The following ABR variants were observed in gnomAD, a reference collection of about 807,000 sequenced individuals.
ABR encodes active breakpoint cluster region-related protein.
Under a neutral mutation model 107.2 loss-of-function variants are expected in ABR, and 35 were observed. The observed-to-expected ratio is 0.33, with a 90% CI of 0.25 to 0.43. The LOEUF is 0.43. Ranked by LOEUF, ABR falls within the 20% of genes least tolerant of loss-of-function variation. The pLI, the probability that ABR is intolerant of heterozygous loss-of-function variation, is 1.00. For synonymous variants in ABR, 498 were observed against 462.0 expected (o/e 1.08, Z -1.00); for missense variants, 815 against 1,115.2 (o/e 0.73, Z 3.83).
intron 20 of ABR, 117 bp from the exon 21 acceptor site, chr17:1,009,901 G>A: frequency 2.3e-6 from 2 of 875,006 alleles, no homozygotes; most frequent in Non-Finnish European, 3.7e-6. Context: ...GGCCTTTGGG[G>A]AGCAGACCCC....
intron 16 of ABR, among the ~76,000 whole-genome samples, chr17:1,042,005 G>A (rs2030609487): frequency 1.3e-5 from 2 of 152,188 alleles, no homozygotes; most frequent in Admixed American, 6.5e-5. Context: ...ATGCCCTAGG[G>A]TCACGGGTCC....
chr17:1,134,059 C>T (rs1345176553), intron 1 of ABR, among the ~76,000 whole-genome samples: 1 of 152,224 alleles, frequency 6.6e-6, no homozygotes, highest in Non-Finnish European at 1.5e-5. Flanking sequence ...GCGGGCAGAT[C>T]ACCTGAGGTC....
chr17:1,178,731 TC>T (rs531222163), intron 1 of ABR, among the ~76,000 whole-genome samples: 86 of 151,578 alleles, frequency 5.7e-4, no homozygotes, highest in Non-Finnish European at 9.9e-4. Context: ...AAGGGCGAAA[TC>T]CACTATGTAA....
At chr17:1,057,867 C>A in intron 12 of ABR, 103 bp downstream of exon 12, 2 of 1,057,010 alleles carry the variant, frequency 1.9e-6, no homozygotes, top group African/African-American at 1.6e-5. Flanking sequence ...AGGGTGACTG[C>A]GAGGGCCAAA....
At chr17:1,165,903 C>A (rs575778371) in intron 1 of ABR, among the ~76,000 whole-genome samples, 2 of 152,286 alleles carry the variant, frequency 1.3e-5, no homozygotes, top group East Asian at 3.9e-4. Context: ...GGGCGTAGAC[C>A]CCCAGTGCCT....
chr17:1,180,113 C>T (rs866887244), upstream of ABR, among the ~76,000 whole-genome samples: 1,117 of 151,188 alleles, frequency 7.4e-3, 15 homozygotes, highest in African/African-American at 0.026. Flanking sequence ...CGCAGGACGC[C>T]CCCGGCCGGG....
chr17:1,218,065 A>G (rs548994516), intron 1 of ABR, among the ~76,000 whole-genome samples: 14 of 152,196 alleles, frequency 9.2e-5, no homozygotes, highest in African/African-American at 2.9e-4. Context: ...CCTGACTTCA[A>G]GTAATCCGCT....
Position 1,091,581 on chromosome 17 carries a change from G to A in ABR, c.531+84C>T. 2.7e-6 allele frequency: 4 copies of A among 1,483,830 alleles called. No homozygotes were observed. In the East Asian group the frequency reaches 9.1e-5, roughly 34 times the overall value. The allele number at this position is 1,483,830 out of a possible 1,614,324, so 91.9% of individuals were successfully genotyped here. On this transcript the variant is annotated intron_variant, in intron 4 of 22. Transcript: ENST00000302538. ...GGCCTTCAAGGAGTCCGAGAGGGCT[G>A]CCCGGTCCTCTCCTGAGGCTCCTGC...
chr17:1,149,289 AC>A (rs532790291), intron 1 of ABR, among the ~76,000 whole-genome samples: 1 of 151,122 alleles, frequency 6.6e-6, no homozygotes, highest in Non-Finnish European at 1.5e-5. Flanking sequence ...AGGGACAGAG[AC>A]CCCCCCATGG....
At chr17:1,183,178 A>C (rs879900428), upstream of ABR, among the ~76,000 whole-genome samples, 1 of 152,122 alleles carries the variant, frequency 6.6e-6, no homozygotes, top group Non-Finnish European at 1.5e-5. Flanking sequence ...TGATTCAGCT[A>C]AATGTGGACC....
intron 1 of ABR, among the ~76,000 whole-genome samples, chr17:1,156,765 C>T (rs1867257): frequency 0.45 from 67,834 of 152,066 alleles, 15,961 homozygotes; most frequent in East Asian, 0.63. Flanking sequence ...AGTTCCACTA[C>T]TATCCCCATT....
intron 1 of ABR, among the ~76,000 whole-genome samples, chr17:1,162,137 G>A (rs1424067413): frequency 1.3e-5 from 2 of 152,230 alleles, no homozygotes; most frequent in African/African-American, 4.8e-5. Context: ...AACTGAGGAT[G>A]TGAAAAGACT....
At chr17:1,116,089 G>C (rs529563040) in intron 2 of ABR, among the ~76,000 whole-genome samples, 32 of 151,878 alleles carry the variant, frequency 2.1e-4, no homozygotes, top group African/African-American at 7.2e-4. Flanking sequence ...AGCCGGATGT[G>C]GTGGCCTGTA....
At chr17:1,142,863 C>T (rs988835556) in intron 1 of ABR, among the ~76,000 whole-genome samples, 13 of 152,162 alleles carry the variant, frequency 8.5e-5, no homozygotes, top group East Asian at 3.8e-4. Flanking sequence ...GCACAGACAG[C>T]GCCACCCTCA....
intron 1 of ABR, among the ~76,000 whole-genome samples, chr17:1,166,413 G>T (rs763436719): frequency 6.6e-6 from 1 of 152,128 alleles, no homozygotes; most frequent in Non-Finnish European, 1.5e-5. Flanking sequence ...CAGAGGAACA[G>T]CACGTGCAAA....
upstream of ABR, among the ~76,000 whole-genome samples, chr17:1,188,734 C>T (rs72816212): frequency 0.072 from 10,893 of 152,070 alleles, 417 homozygotes; most frequent in South Asian, 0.088. Context: ...TCCCATCTCA[C>T]CCCCAGCTGG....
chr17:1,075,039 G>A (rs1476484939), intron 6 of ABR, among the ~76,000 whole-genome samples: 1 of 152,252 alleles, frequency 6.6e-6, no homozygotes, highest in Non-Finnish European at 1.5e-5. Context: ...TCACATATGA[G>A]AGCCCCAAAG....
At chr17:1,207,946 T>A (rs1267883577) in intron 1 of ABR, among the ~76,000 whole-genome samples, 1 of 151,880 alleles carries the variant, frequency 6.6e-6, no homozygotes, top group African/African-American at 2.4e-5. Context: ...AATTTTTGTA[T>A]TTTTAGTAGA....
chr17:1,116,391 T>C (rs1469106542), intron 2 of ABR, among the ~76,000 whole-genome samples: 1 of 152,186 alleles, frequency 6.6e-6, no homozygotes, highest in East Asian at 1.9e-4. Flanking sequence ...GCATGTCATC[T>C]AGTCTCCCTG....
Sources: gnomAD v4.1 joint callset for allele counts (sites outside exome capture counted in the v4.1 genomes callset) on GRCh38, gnomAD v4.1.1 for gene constraint, MANE v1.5 for transcripts, NCBI Gene and HGNC (gene_info 2026-07-23, HGNC 2026-07-21) for gene names.